The following KLF8 variants were observed in gnomAD, a reference collection of about 807,000 sequenced individuals.
The protein encoded by KLF8 is KLF transcription factor 8.
Under a neutral mutation model 18.2 loss-of-function variants are expected in KLF8, and 10 were observed. The ratio of observed to expected loss-of-function variants is 0.55; its 90% CI spans 0.34 to 0.93. The LOEUF (loss-of-function observed/expected upper bound fraction) is 0.93. Among genes scored for constraint, KLF8 ranks in the 40% least tolerant of loss-of-function variants. KLF8 has a pLI of 0.02. For missense variants in KLF8, 264 were observed against 277.9 expected (o/e 0.95, Z 0.36); for synonymous variants, 109 against 97.3 (o/e 1.12, Z -0.71).
At chrX:56,064,388 A>G in the KLF8 span, among the ~76,000 whole-genome samples, 2 of 108,359 alleles carry the variant, frequency 1.8e-5, no homozygotes, top group Non-Finnish European at 3.8e-5. Context: ...TCATCCCATT[A>G]CTTTTACTAG....
the KLF8 span, among the ~76,000 whole-genome samples, chrX:56,100,832 A>G: frequency 8.9e-6 from 1 of 112,317 alleles, no homozygotes; most frequent in Non-Finnish European, 1.9e-5. Flanking sequence ...CAAATAAAGT[A>G]CTTTCATTTT....
At chrX:56,136,400 A>G in the KLF8 span, among the ~76,000 whole-genome samples, 2 of 111,378 alleles carry the variant, frequency 1.8e-5, no homozygotes, top group Non-Finnish European at 3.8e-5. Flanking sequence ...TGGTACCAAA[A>G]CAGAGATATA....
At chrX:56,163,087 T>C in the KLF8 span, among the ~76,000 whole-genome samples, 1 of 112,289 alleles carries the variant, frequency 8.9e-6, no homozygotes, top group Admixed American at 9.5e-5. Flanking sequence ...TATAATCATT[T>C]ATATTTCTTC....
the KLF8 span, among the ~76,000 whole-genome samples, chrX:56,065,972 G>T: frequency 9.0e-6 from 1 of 111,565 alleles, no homozygotes; most frequent in Non-Finnish European, 1.9e-5. Flanking sequence ...CCCAATGACA[G>T]CAGGTCTAGG....
At chrX:56,276,586 C>T (rs5960712) in intron 5 of KLF8, among the ~76,000 whole-genome samples, 20,798 of 111,106 alleles carry the variant, frequency 0.19, 3,932 homozygotes, top group African/African-American at 0.59. Flanking sequence ...TCTCTACTGG[C>T]CTTTAAGGTT....
the KLF8 span, among the ~76,000 whole-genome samples, chrX:56,035,035 G>T: frequency 9.0e-6 from 1 of 111,409 alleles, no homozygotes; most frequent in Non-Finnish European, 1.9e-5. Flanking sequence ...GATTACAGGC[G>T]TGAGCCACAG....
At chrX:56,156,982 C>T in the KLF8 span, among the ~76,000 whole-genome samples, 1 of 109,124 alleles carries the variant, frequency 9.2e-6, no homozygotes, top group Non-Finnish European at 1.9e-5. Context: ...CTGGAATCAA[C>T]CCAAATGTCC....
At chrX:56,042,298 T>C in the KLF8 span, among the ~76,000 whole-genome samples, 2 of 112,029 alleles carry the variant, frequency 1.8e-5, no homozygotes, top group African/African-American at 3.3e-5. Flanking sequence ...TCTGATTTTA[T>C]GATGAATTTT....
At chrX:56,118,928 C>T in the KLF8 span, among the ~76,000 whole-genome samples, 1 of 111,191 alleles carries the variant, frequency 9.0e-6, no homozygotes, top group East Asian at 2.8e-4. Flanking sequence ...CACATAGGCT[C>T]ATAGTTGGGA....
chrX:56,214,028 T>A, the KLF8 span, among the ~76,000 whole-genome samples: 1 of 111,558 alleles, frequency 9.0e-6, no homozygotes, highest in Non-Finnish European at 1.9e-5. Flanking sequence ...TTCAGCCATC[T>A]CCAGCTGGAC....
At chrX:56,188,122 A>AC in the KLF8 span, among the ~76,000 whole-genome samples, 1 of 110,616 alleles carries the variant, frequency 9.0e-6, no homozygotes. Flanking sequence ...TATCTAGAAA[A>AC]CCCCATTGTC....
At chrX:55,969,596 C>A in the KLF8 span, among the ~76,000 whole-genome samples, 5 of 110,555 alleles carry the variant, frequency 4.5e-5, no homozygotes, top group African/African-American at 1.6e-4. Context: ...TAACAAAGAG[C>A]GGAAATACAT....
the KLF8 span, among the ~76,000 whole-genome samples, chrX:56,083,616 T>C: frequency 8.9e-5 from 10 of 112,070 alleles, no homozygotes; most frequent in Non-Finnish European, 1.7e-4. Context: ...CTAGATGATC[T>C]ATAGCAGGAG....
the KLF8 span, among the ~76,000 whole-genome samples, chrX:56,047,338 C>A: frequency 9.2e-6 from 1 of 109,162 alleles, no homozygotes; most frequent in Non-Finnish European, 1.9e-5. Flanking sequence ...CATATGTATA[C>A]ATGTGCCATG....
At chrX:56,251,939 A>G (rs1268181585) in intron 2 of KLF8, among the ~76,000 whole-genome samples, 2 of 111,528 alleles carry the variant, frequency 1.8e-5, no homozygotes, top group Non-Finnish European at 3.8e-5. Context: ...ATATTTTTTA[A>G]GTGTACAATT....
the KLF8 span, among the ~76,000 whole-genome samples, chrX:56,133,377 A>G: frequency 8.9e-6 from 1 of 112,240 alleles, no homozygotes; most frequent in African/African-American, 3.2e-5. Flanking sequence ...AAGTAAATAA[A>G]TTTGATACAC....
At chrX:55,989,870 T>A in the KLF8 span, among the ~76,000 whole-genome samples, 1 of 111,530 alleles carries the variant, frequency 9.0e-6, no homozygotes, top group Non-Finnish European at 1.9e-5. Flanking sequence ...AATTATTGCC[T>A]CAATTTCAGC....
chrX:55,960,456 G>A, the KLF8 span, among the ~76,000 whole-genome samples: 83 of 111,306 alleles, frequency 7.5e-4, no homozygotes, highest in African/African-American at 2.5e-3. Flanking sequence ...CAGAGGTTGC[G>A]GTGAGCCAAG....
the KLF8 span, among the ~76,000 whole-genome samples, chrX:56,097,317 A>G: frequency 4.7e-4 from 51 of 107,566 alleles, no homozygotes; most frequent in Non-Finnish European, 8.5e-4. Flanking sequence ...GAAGTATGTG[A>G]GAAAATTTCT....
Sources: gnomAD v4.1 joint callset for allele counts (sites outside exome capture counted in the v4.1 genomes callset) on GRCh38, gnomAD v4.1.1 for gene constraint, MANE v1.5 for transcripts, NCBI Gene and HGNC (gene_info 2026-07-23, HGNC 2026-07-21) for gene names.